SMYD3: variants seen among roughly 807,000 people sequenced by gnomAD.
SMYD3 encodes histone-lysine N-methyltransferase SMYD3.
SMYD3 carries 36 observed loss-of-function variants against 57.7 expected under a neutral mutation model. That is an observed-to-expected ratio of 0.62 (90% confidence interval 0.48 to 0.82). The LOEUF (loss-of-function observed/expected upper bound fraction) is 0.82. Among genes scored for constraint, SMYD3 ranks in the 40% least tolerant of loss-of-function variants. The pLI, the probability that SMYD3 is intolerant of heterozygous loss-of-function variation, is 0.00. For missense variants in SMYD3, 515 were observed against 538.8 expected (o/e 0.96, Z 0.44); for synonymous variants, 211 against 195.0 (o/e 1.08, Z -0.68).
intron 5 of SMYD3, among the ~76,000 whole-genome samples, chr1:246,104,762 C>T (rs1411707319): frequency 6.6e-6 from 1 of 151,800 alleles, no homozygotes; most frequent in Non-Finnish European, 1.5e-5. Flanking sequence ...GAGACCTTTC[C>T]TCCCCATGAT....
chr1:246,049,458 G>A (rs2148321007), intron 5 of SMYD3, among the ~76,000 whole-genome samples: 1 of 131,004 alleles, frequency 7.6e-6, no homozygotes, highest in South Asian at 2.6e-4. Context: ...CACCACGCCT[G>A]GCTAATTTTT....
intron 1 of SMYD3, 74 bp downstream of exon 1, chr1:246,506,980 C>CCCCCCCCCCCCCCCCA: frequency 1.2e-6 from 1 of 802,606 alleles, no homozygotes; most frequent in Non-Finnish European, 1.7e-6. Context: ...CGGCTGCCGG[C>CCCCCCCCCCCCCCCCA]CGCCCGACGC....
chr1:246,288,823 A>G (rs2064627251), intron 5 of SMYD3, among the ~76,000 whole-genome samples: 1 of 152,142 alleles, frequency 6.6e-6, no homozygotes, highest in Non-Finnish European at 1.5e-5. Context: ...TAAAATATTT[A>G]AAAGCCTGGC....
chr1:245,779,847 C>A (rs572320146), intron 10 of SMYD3, among the ~76,000 whole-genome samples: 1 of 152,040 alleles, frequency 6.6e-6, no homozygotes, highest in Admixed American at 6.6e-5. Flanking sequence ...ACAGAAGACT[C>A]GAGTGAGATG....
intron 1 of SMYD3, among the ~76,000 whole-genome samples, chr1:246,467,370 A>G (rs1325655201): frequency 6.6e-6 from 1 of 152,090 alleles, no homozygotes; most frequent in African/African-American, 2.4e-5. Flanking sequence ...AAGAGCAGAA[A>G]TAAATGAAAT....
intron 1 of SMYD3, among the ~76,000 whole-genome samples, chr1:246,393,617 C>A (rs2148772212): frequency 7.0e-6 from 1 of 142,372 alleles, no homozygotes; most frequent in East Asian, 2.0e-4. Context: ...AGTAGGAGGA[C>A]TGTTTGAACC....
intron 5 of SMYD3, among the ~76,000 whole-genome samples, chr1:246,006,938 AGGCATG>A (rs1458722841): frequency 6.6e-6 from 1 of 152,222 alleles, no homozygotes; most frequent in African/African-American, 2.4e-5. Flanking sequence ...GCTCGAGAAA[AGGCATG>A]GGCAGGAGCT....
chr1:246,174,682 G>A (rs2062403797), intron 5 of SMYD3, among the ~76,000 whole-genome samples: 1 of 152,154 alleles, frequency 6.6e-6, no homozygotes, highest in African/African-American at 2.4e-5. Context: ...CCTGAGTTCA[G>A]GTGACCCTCC....
At chr1:246,131,878 T>C (rs1041238124) in intron 5 of SMYD3, among the ~76,000 whole-genome samples, 10 of 151,398 alleles carry the variant, frequency 6.6e-5, no homozygotes, top group African/African-American at 2.2e-4. Flanking sequence ...TTTTATATGG[T>C]TATAAGGCTG....
intron 5 of SMYD3, among the ~76,000 whole-genome samples, chr1:246,304,981 T>C (rs1050281978): frequency 2.0e-5 from 3 of 152,186 alleles, no homozygotes; most frequent in African/African-American, 7.2e-5. Flanking sequence ...ACAACTAACA[T>C]ATACCTGCTT....
chr1:246,273,141 T>C (rs1165638573), intron 5 of SMYD3, among the ~76,000 whole-genome samples: 2,947 of 133,564 alleles, frequency 0.022, 135 homozygotes, highest in African/African-American at 0.082. Flanking sequence ...TTTTCTTTTT[T>C]TTTTTTTTTT....
chr1:245,857,921 G>A (rs1297599342), intron 10 of SMYD3, among the ~76,000 whole-genome samples: 1 of 152,172 alleles, frequency 6.6e-6, no homozygotes, highest in Non-Finnish European at 1.5e-5. Flanking sequence ...CAGTCAAGAA[G>A]CAATTACCTA....
chr1:245,922,290 AT>A (rs2056029392), intron 7 of SMYD3, among the ~76,000 whole-genome samples: 1 of 152,260 alleles, frequency 6.6e-6, no homozygotes, highest in Admixed American at 6.5e-5. Context: ...AGGTACCTTC[AT>A]TTAAAGTGAA....
intron 1 of SMYD3, among the ~76,000 whole-genome samples, chr1:246,403,815 G>T (rs1473589411): frequency 1.3e-5 from 2 of 152,186 alleles, no homozygotes; most frequent in Non-Finnish European, 2.9e-5. Flanking sequence ...ATTCAGCAAT[G>T]ATACCATTTA....
At chr1:246,258,666 C>T (rs10924643) in intron 5 of SMYD3, among the ~76,000 whole-genome samples, 31,577 of 152,004 alleles carry the variant, frequency 0.21, 3,988 homozygotes, top group East Asian at 0.58. Flanking sequence ...TCTTTAGCAC[C>T]GACCTTGAAC....
intron 5 of SMYD3, among the ~76,000 whole-genome samples, chr1:246,051,127 T>G (rs1437083446): frequency 1.4e-5 from 2 of 146,470 alleles, no homozygotes; most frequent in African/African-American, 2.7e-5. Context: ...TTTTTTTTTC[T>G]TACTCCTTTT....
intron 1 of SMYD3, among the ~76,000 whole-genome samples, chr1:246,359,523 A>G (rs1326760988): frequency 1.3e-5 from 2 of 152,108 alleles, no homozygotes; most frequent in Non-Finnish European, 2.9e-5. Flanking sequence ...AATTAAAACT[A>G]CAGACCAATA....
At chr1:245,811,183 G>A (rs917033475) in intron 10 of SMYD3, among the ~76,000 whole-genome samples, 1 of 152,166 alleles carries the variant, frequency 6.6e-6, no homozygotes, top group East Asian at 1.9e-4. Flanking sequence ...AATGAACACC[G>A]TGCAGCAGGT....
chr1:246,287,073 T>C (rs2148585675), intron 5 of SMYD3, among the ~76,000 whole-genome samples: 1 of 152,166 alleles, frequency 6.6e-6, no homozygotes, highest in Non-Finnish European at 1.5e-5. Context: ...GGTTTCACCA[T>C]GTTGGCCAGG....
Sources: allele counts gnomAD v4.1 joint callset (sites outside exome capture counted in the v4.1 genomes callset), GRCh38; gene constraint gnomAD v4.1.1; transcripts MANE v1.5; gene names NCBI Gene and HGNC (gene_info 2026-07-23, HGNC 2026-07-21).